ETV1: variants seen among roughly 807,000 people sequenced by gnomAD.
ETV1 encodes ETS translocation variant 1.
A neutral mutation model predicts 62.3 loss-of-function variants in ETV1; 27 were observed. The ratio of observed to expected loss-of-function variants is 0.43; its 90% CI spans 0.32 to 0.60. The LOEUF is 0.60. ETV1 is among the 20% of genes least tolerant of loss of function. The probability of loss-of-function intolerance (pLI) is 0.06; values close to 1 mark genes in which losing one functional copy is unlikely to be tolerated. For missense variants in ETV1, 605 were observed against 605.8 expected (o/e 1.00, Z 0.01); for synonymous variants, 222 against 199.6 (o/e 1.11, Z -0.94).
At chr7:13,898,065 T>C (rs1249274002) in intron 13 of ETV1, among the ~76,000 whole-genome samples, 2 of 152,232 alleles carry the variant, frequency 1.3e-5, no homozygotes, top group Non-Finnish European at 1.5e-5. Context: ...TGCTTTTGAA[T>C]AAACATTTTT....
At chr7:13,954,356 A>G (rs1169977353) in intron 6 of ETV1, among the ~76,000 whole-genome samples, 1 of 152,206 alleles carries the variant, frequency 6.6e-6, no homozygotes, top group African/African-American at 2.4e-5. Flanking sequence ...AATTCTTCAA[A>G]TAAGCCCAGA....
intron 6 of ETV1, among the ~76,000 whole-genome samples, chr7:13,961,057 G>A (rs1790104598): frequency 6.8e-6 from 1 of 146,646 alleles, no homozygotes; most frequent in Admixed American, 7.3e-5. Context: ...TGAGTTGGGA[G>A]ATCGCTTGAG....
intron 6 of ETV1, among the ~76,000 whole-genome samples, chr7:13,941,021 G>A (rs1208874145): frequency 6.6e-6 from 1 of 152,128 alleles, no homozygotes; most frequent in Non-Finnish European, 1.5e-5. Flanking sequence ...AATGTAGTGT[G>A]TGTGTGTACA....
At chr7:13,962,724 T>C (rs550606092) in intron 6 of ETV1, among the ~76,000 whole-genome samples, 28 of 152,238 alleles carry the variant, frequency 1.8e-4, no homozygotes, top group Non-Finnish European at 3.5e-4. Flanking sequence ...AAGATTTTCA[T>C]AGACAAACAG....
intron 6 of ETV1, among the ~76,000 whole-genome samples, chr7:13,973,485 C>T (rs1781103025): frequency 6.6e-6 from 1 of 152,146 alleles, no homozygotes; most frequent in Non-Finnish European, 1.5e-5. Flanking sequence ...ACTTCTGCAT[C>T]CAGAAATCCT....
chr7:13,988,797 T>TA, intron 3 of ETV1: 1 of 1,606,032 alleles, frequency 6.2e-7, no homozygotes, highest in South Asian at 1.1e-5. Context: ...AAAGGGGTCT[T>TA]AAAAACAAAA....
intron 6 of ETV1, among the ~76,000 whole-genome samples, chr7:13,973,180 G>A (rs1781074977): frequency 6.6e-6 from 1 of 152,118 alleles, no homozygotes; most frequent in Admixed American, 6.5e-5. Context: ...CCAGTATTGA[G>A]CAAAATTTTG....
At chr7:13,925,211 C>G (rs982609449) in intron 9 of ETV1, among the ~76,000 whole-genome samples, 1 of 152,072 alleles carries the variant, frequency 6.6e-6, no homozygotes, top group South Asian at 2.1e-4. Flanking sequence ...ACCACATGGC[C>G]GAGAAGCATT....
intron 9 of ETV1, among the ~76,000 whole-genome samples, chr7:13,914,890 A>C (rs554541214): frequency 2.0e-5 from 3 of 152,216 alleles, no homozygotes; most frequent in African/African-American, 7.2e-5. Flanking sequence ...GATTTGCCAC[A>C]GTTGCCTGAA....
At chr7:13,970,081 C>G (rs1780719775) in intron 6 of ETV1, among the ~76,000 whole-genome samples, 2 of 151,552 alleles carry the variant, frequency 1.3e-5, no homozygotes, top group South Asian at 4.2e-4. Flanking sequence ...ACAGTGAAAC[C>G]CCGTCTCTAC....
intron 9 of ETV1, among the ~76,000 whole-genome samples, chr7:13,913,422 T>C (rs1364267816): frequency 6.6e-6 from 1 of 152,178 alleles, no homozygotes; most frequent in East Asian, 1.9e-4. Flanking sequence ...TTTGTTGTTA[T>C]TTAACATCTC....
At chr7:13,908,747 T>C (rs1356755626) in intron 11 of ETV1, among the ~76,000 whole-genome samples, 1 of 152,118 alleles carries the variant, frequency 6.6e-6, no homozygotes, top group East Asian at 1.9e-4. Context: ...AAAAGCAATC[T>C]GAGCATGTAC....
At position 13,894,732 on chromosome 7, in the gene ETV1, G is replaced by A. The variant is rs1781621086; in HGVS notation, c.*1134C>T. 4.3e-6 allele frequency: 1 copy of A among 232,512 alleles called. No individual in the cohort carries two copies. 14.4% of individuals were successfully genotyped at this position (232,512 alleles called of 1,614,324 possible). On this transcript the variant is annotated 3_prime_UTR_variant, in exon 14 of 14. Coordinates refer to ENST00000430479, the MANE Select transcript of ETV1 (RefSeq NM_004956.5). The stretch of plus-strand genomic sequence containing the variant: ...TGGTCATAGTAAATTCAGCATGAAA[G>A]AGAATATTACAGAAAAGACAGCAGC...
chr7:13,989,285 C>G lies in ETV1; in HGVS notation c.-105G>C. 7.7e-6 allele frequency: 4 copies of G among 518,162 alleles called. No homozygotes were observed. The highest frequency in any genetic ancestry group is 4.9e-4 in the Middle Eastern group (1 of 2,044). The allele number at this position is 518,162 out of a possible 1,614,324, so 32.1% of individuals were successfully genotyped here. The stretch of plus-strand genomic sequence containing the variant: ...TCCTTCACCTGGATCCAAAGAGAGC[C>G]AACAGAGTTCACAATTTACATATTT... On this transcript the variant is annotated 5_prime_UTR_variant, in exon 2 of 14. Transcript: ENST00000430479.
rs1004960136 is a variant in ETV1, at chr7:13,893,855, A to G, written c.*2011T>C. The G allele has an allele frequency of 1.3e-5, 3 of 233,096 alleles. No individual in the cohort carries two copies. In the Admixed American group the frequency reaches 1.7e-4, roughly 13 times the overall value. 14.4% of individuals were successfully genotyped at this position (233,096 alleles called of 1,614,324 possible). A position where few individuals can be genotyped will look rare whatever the true frequency, so the allele number is the denominator to read the frequency against. ...GAGAAAAGGTTCTGATTTTTAAGGC[A>G]TAGTTTTCTTTTTTAGGCCCAAAAT... On this transcript the variant is annotated 3_prime_UTR_variant, in exon 14 of 14. Coordinates refer to ENST00000430479, the MANE Select transcript of ETV1 (RefSeq NM_004956.5).
intron 6 of ETV1, among the ~76,000 whole-genome samples, chr7:13,960,522 CA>C (rs1183388018): frequency 1.3e-5 from 2 of 152,004 alleles, no homozygotes; most frequent in East Asian, 1.9e-4. Flanking sequence ...TTCAAAATCA[CA>C]AAAATAGCAA....
intron 9 of ETV1, among the ~76,000 whole-genome samples, chr7:13,916,130 T>C (rs1217944608): frequency 6.6e-6 from 1 of 152,184 alleles, no homozygotes; most frequent in African/African-American, 2.4e-5. Flanking sequence ...GTGATGAATT[T>C]AGTATTACCT....
chr7:13,933,989 T>A (rs538314693), intron 8 of ETV1, among the ~76,000 whole-genome samples: 1 of 152,308 alleles, frequency 6.6e-6, no homozygotes, highest in South Asian at 2.1e-4. Flanking sequence ...ATACAATCTA[T>A]AATTCTGGCA....
Position 13,924,018 on chromosome 7 carries a change from A to C in ETV1, c.802+7484T>G, listed in dbSNP as rs545015712. ...CCATTGTACTCCAGCCGGGGCAACA[A>C]GAGTGAAACTCTGTCTCAAAAAAAA... On this transcript the variant is annotated intron_variant, in intron 9 of 13. Transcript: ENST00000430479. Among the ~76,000 whole-genome samples the C allele has an allele frequency of 2.8e-3, 432 of 152,180 alleles. 5 individuals carry two copies. The highest frequency in any genetic ancestry group is 0.01 in the African/African-American group (420 of 41,530).
Sources: allele counts gnomAD v4.1 joint callset (sites outside exome capture counted in the v4.1 genomes callset), GRCh38; gene constraint gnomAD v4.1.1; transcripts MANE v1.5; gene names NCBI Gene and HGNC (gene_info 2026-07-23, HGNC 2026-07-21).